Variants in TGFBRAP1 observed in about 807,000 individuals in gnomAD.
The protein encoded by TGFBRAP1 is transforming growth factor beta receptor associated protein 1.
In TGFBRAP1, 20 loss-of-function variants were observed where a neutral mutation model predicts 83.2. The ratio of observed to expected loss-of-function variants is 0.24; its 90% CI spans 0.17 to 0.35. TGFBRAP1 has a LOEUF of 0.35. TGFBRAP1 is among the 10% of genes least tolerant of loss of function. The pLI is 1.00. For missense variants in TGFBRAP1, 950 were observed against 1,099.4 expected, an observed-to-expected ratio of 0.86 and a Z score of 1.92; for synonymous variants, 415 against 459.8, an observed-to-expected ratio of 0.90 and a Z score of 1.25.
At position 105,264,835 on chromosome 2, in the gene TGFBRAP1, C is replaced by T. The variant is rs1235864396; in HGVS notation, c.*2548G>A. ...GAATGTAAACTGAGTTCAGTTCATG[C>T]TGTTTTAACCAGAATGGTTCCACTG... On this transcript the variant is annotated 3_prime_UTR_variant, in exon 12 of 12. Coordinates refer to ENST00000393359, the MANE Select transcript of TGFBRAP1 (RefSeq NM_004257.6). 2 of 152,224 alleles carry T rather than the reference C, an allele frequency of 1.3e-5. No individual in the cohort carries two copies. The highest frequency in any genetic ancestry group is 1.9e-4 in the East Asian group (1 of 5,190). 9.4% of individuals were successfully genotyped at this position (152,224 alleles called of 1,614,324 possible). A position where few individuals can be genotyped will look rare whatever the true frequency, so the allele number is the denominator to read the frequency against.
chr2:105,293,496 G>C lies in TGFBRAP1; in HGVS notation c.1038+2860C>G, dbSNP rs1677982701. On this transcript the variant is annotated intron_variant, in intron 4 of 11. Coordinates refer to ENST00000393359, the MANE Select transcript of TGFBRAP1 (RefSeq NM_004257.6). ...GAAACCAGCCCTTGCTTTAAATGAAGGGAAAGGAGTGCAATGGTGAAGAAG... is the reference window on the plus strand; with the variant it reads ...GAAACCAGCCCTTGCTTTAAATGAACGGAAAGGAGTGCAATGGTGAAGAAG... Among the ~76,000 whole-genome samples, 5 of 152,148 alleles carry C rather than the reference G, an allele frequency of 3.3e-5. No individual in the cohort carries two copies. The South Asian group carries it at 8.3e-4, about 25-fold the overall frequency.
intron 1 of TGFBRAP1, among the ~76,000 whole-genome samples, chr2:105,325,902 C>T (rs939060179): frequency 1.3e-5 from 2 of 152,064 alleles, no homozygotes; most frequent in African/African-American, 2.4e-5. Context: ...ACTTTTCCCC[C>T]CTTTGAAAAT....
At chr2:105,324,877 G>C (rs1450382656) in intron 1 of TGFBRAP1, 2 of 152,294 alleles carry the variant, frequency 1.3e-5, no homozygotes, top group Non-Finnish European at 2.9e-5. Context: ...GCAGTGAACT[G>C]TGGTAAATGT....
intron 1 of TGFBRAP1, among the ~76,000 whole-genome samples, chr2:105,325,633 G>A (rs1046300259): frequency 2.6e-5 from 4 of 152,218 alleles, no homozygotes; most frequent in East Asian, 1.9e-4. Flanking sequence ...CTTCCCCACC[G>A]TGAGTCTAGA....
downstream of TGFBRAP1, among the ~76,000 whole-genome samples, chr2:105,259,754 C>T (rs115192250): frequency 6.8e-4 from 103 of 152,266 alleles, 2 homozygotes; most frequent in African/African-American, 2.0e-3. Context: ...GTCTGGATCT[C>T]GTTCTGAATC....
At chr2:105,283,036 A>G (rs1164428422) in intron 5 of TGFBRAP1, among the ~76,000 whole-genome samples, 1 of 152,168 alleles carries the variant, frequency 6.6e-6, no homozygotes, top group Admixed American at 6.5e-5. Context: ...AGATTAACCC[A>G]TAAGAGAAAG....
intron 2 of TGFBRAP1, among the ~76,000 whole-genome samples, chr2:105,305,919 T>G: frequency 6.6e-6 from 1 of 152,192 alleles, no homozygotes; most frequent in Non-Finnish European, 1.5e-5. Context: ...CATCCCAAAG[T>G]GCTGGGATTA....
intron 2 of TGFBRAP1, among the ~76,000 whole-genome samples, chr2:105,299,856 C>T (rs1380665890): frequency 1.3e-5 from 2 of 152,092 alleles, no homozygotes; most frequent in African/African-American, 4.8e-5. Context: ...CCAGGACAAG[C>T]ACTAGGAGAA....
chr2:105,275,688 C>T lies in TGFBRAP1; in HGVS notation c.1537G>A (p.Val513Met). 1 of 1,606,820 alleles carries T rather than the reference C, an allele frequency of 6.2e-7. No individual in the cohort carries two copies. Among genetic ancestry groups the T allele is most frequent in the Non-Finnish European group, 8.5e-7 (1 of 1,177,702 alleles). The change falls in exon 8 of 12, where the codon GTG (valine) becomes ATG (methionine). Residue 513 changes from valine to methionine, a missense_variant. Val to Met is a conservative substitution (Grantham distance 21). Transcript: ENST00000393359. The stretch of plus-strand genomic sequence containing the variant: ...GTGGAGTCCTGGACATCGCCATTCA[C>T]AATGTTCACCCACAACTGGAAAGGA... ...AAAVQLWVNI[V>M]NGDVQDSTRS...
At chr2:105,312,693 A>G (rs1476421062) in intron 1 of TGFBRAP1, among the ~76,000 whole-genome samples, 1 of 152,254 alleles carries the variant, frequency 6.6e-6, no homozygotes, top group Non-Finnish European at 1.5e-5. Flanking sequence ...AGATTCTGCC[A>G]CTGGTGATAG....
rs752743700 is a variant in TGFBRAP1 at position 105,298,496 on chromosome 2, T to A, written c.883+15A>T. ...GTTAAGTAAATTTCACTAAGACTTCTATGTGAATGAGTACCTTCAAAGTCC... is the reference window on the plus strand; with the variant it reads ...GTTAAGTAAATTTCACTAAGACTTCAATGTGAATGAGTACCTTCAAAGTCC... On this transcript the variant is annotated intron_variant, in intron 3 of 11. Coordinates refer to ENST00000393359, the MANE Select transcript of TGFBRAP1 (RefSeq NM_004257.6). 1.9e-6 allele frequency: 3 copies of A among 1,556,618 alleles called. No homozygotes were observed. The South Asian group carries it at 3.6e-5, about 18-fold the overall frequency.
chr2:105,255,123 T>C, the TGFBRAP1 span, among the ~76,000 whole-genome samples: 1 of 152,176 alleles, frequency 6.6e-6, no homozygotes, highest in African/African-American at 2.4e-5. Context: ...TTCTATTCTC[T>C]GTCCTGAGAA....
chr2:105,274,545 A>C (rs1488871992), intron 8 of TGFBRAP1, among the ~76,000 whole-genome samples: 1 of 152,218 alleles, frequency 6.6e-6, no homozygotes, highest in Non-Finnish European at 1.5e-5. Context: ...GACCTTTGTC[A>C]GGGGATTGTC....
chr2:105,325,007 T>C (rs1679183316), intron 1 of TGFBRAP1: 2 of 152,294 alleles, frequency 1.3e-5, no homozygotes. Context: ...TGGGCCTGTG[T>C]TCTCTATAAA....
At chr2:105,300,603 AT>A (rs1337969098) in intron 2 of TGFBRAP1, among the ~76,000 whole-genome samples, 3 of 151,902 alleles carry the variant, frequency 2.0e-5, no homozygotes, top group Non-Finnish European at 4.4e-5. Flanking sequence ...TGCCTGGCTA[AT>A]TTTTGTATTG....
chr2:105,302,009 TAAAAAAAAAAAAAA>T (rs35548542), intron 2 of TGFBRAP1, among the ~76,000 whole-genome samples: 1 of 75,090 alleles, frequency 1.3e-5, no homozygotes. Flanking sequence ...TAAAGAATAC[TAAAAAAAAAAAAAA>T]AAAAAAGGCC....
chr2:105,307,449 TG>T (rs1678539889), intron 2 of TGFBRAP1, among the ~76,000 whole-genome samples, 164 bp downstream of exon 2: 1 of 152,200 alleles, frequency 6.6e-6, no homozygotes, highest in Non-Finnish European at 1.5e-5. Context: ...ACAATCGAAC[TG>T]GATTTCATCA....
chr2:105,323,843 A>G (rs1273008395), intron 1 of TGFBRAP1, among the ~76,000 whole-genome samples: 1 of 152,190 alleles, frequency 6.6e-6, no homozygotes, highest in African/African-American at 2.4e-5. Flanking sequence ...GTCTTGAGAT[A>G]CTGATGTGGT....
intron 1 of TGFBRAP1, chr2:105,324,155 G>A (rs1679153298): frequency 6.6e-6 from 1 of 152,152 alleles, no homozygotes; most frequent in Admixed American, 6.5e-5. Context: ...AATACTGTGT[G>A]CACTTTATAG....
Sources: allele counts gnomAD v4.1 joint callset (sites outside exome capture counted in the v4.1 genomes callset), GRCh38; gene constraint gnomAD v4.1.1; transcripts MANE v1.5; gene names NCBI Gene and HGNC (gene_info 2026-07-23, HGNC 2026-07-21).